The following SUFU variants were observed in gnomAD, a reference collection of about 807,000 sequenced individuals.
SUFU encodes the protein SUFU negative regulator of hedgehog signaling, also known as suppressor of fused homolog.
A neutral mutation model predicts 58.9 loss-of-function variants in SUFU; 7 were observed. That is an observed-to-expected ratio of 0.12 (90% CI 0.07 to 0.22). The LOEUF is 0.22. Ranked by LOEUF, SUFU falls within the 10% of genes least tolerant of loss-of-function variation. SUFU has a pLI of 1.00. For missense variants in SUFU, 451 were observed against 641.3 expected (o/e 0.70, Z 3.20); for synonymous variants, 232 against 254.8 (o/e 0.91, Z 0.85).
chr10:102,607,803 C>T (rs1326275006), intron 8 of SUFU, among the ~76,000 whole-genome samples: 3 of 151,768 alleles, frequency 2.0e-5, no homozygotes, highest in South Asian at 2.1e-4. Context: ...CCCAGCTACT[C>T]GGGAGGCCGA....
At chr10:102,549,409 A>C (rs1197042130) in intron 2 of SUFU, among the ~76,000 whole-genome samples, 2 of 152,182 alleles carry the variant, frequency 1.3e-5, no homozygotes, top group Non-Finnish European at 2.9e-5. Flanking sequence ...TCACTATGAC[A>C]AGAACACTGT....
chr10:102,603,455 C>T (rs1014497360), intron 8 of SUFU, among the ~76,000 whole-genome samples: 1 of 152,180 alleles, frequency 6.6e-6, no homozygotes, highest in Non-Finnish European at 1.5e-5. Context: ...GTTGTGTGCC[C>T]TCCCAGAGAG....
Position 102,615,351 on chromosome 10 carries a change from T to C in SUFU, c.1106T>C (p.Val369Ala), listed in dbSNP as rs1554854584. Residue 369 changes from valine (V) to alanine (A), a missense_variant, in exon 9 of 12, where the codon GTA becomes GCA. Val to Ala is a moderately conservative substitution (Grantham distance 64). Coordinates refer to ENST00000369902, the MANE Select transcript of SUFU (RefSeq NM_016169.4). Reference sequence around the variant, plus strand: ...ATTCGCACGCGGCAGCTTGAGAGCGTACATCTGAAATTCAACCAGGAGTCC... The same window carrying C: ...ATTCGCACGCGGCAGCTTGAGAGCGCACATCTGAAATTCAACCAGGAGTCC... ...ELIRTRQLES[V>A]HLKFNQESGA... 1 of 1,613,976 alleles carries C rather than the reference T, an allele frequency of 6.2e-7. No individual in the cohort carries two copies. Among genetic ancestry groups the C allele is most frequent in the Non-Finnish European group, 8.5e-7 (1 of 1,179,970 alleles).
chr10:102,547,021 C>T (rs1366751569), intron 2 of SUFU, among the ~76,000 whole-genome samples: 2 of 152,240 alleles, frequency 1.3e-5, no homozygotes, highest in African/African-American at 2.4e-5. Context: ...ATTTCTTTCT[C>T]TGCATTTGAG....
chr10:102,579,735 A>G lies in SUFU; in HGVS notation c.455-12847A>G, dbSNP rs906866119. Reference sequence around the variant, plus strand: ...GACTGCGTATTCATTTCCCGTCTCCATGTCTTGCAACCACATTTAGCCAAA... The same window carrying G: ...GACTGCGTATTCATTTCCCGTCTCCGTGTCTTGCAACCACATTTAGCCAAA... On this transcript the variant is annotated intron_variant, in intron 3 of 11. Transcript: ENST00000369902. 6 of 714,188 alleles carry G rather than the reference A, an allele frequency of 8.4e-6. No individual in the cohort carries two copies. The African/African-American group carries it at 9.6e-5, about 11-fold the overall frequency. The allele number at this position is 714,188 out of a possible 1,614,324, so 44.2% of individuals were successfully genotyped here. A position where few individuals can be genotyped will look rare whatever the true frequency, so the allele number is the denominator to read the frequency against.
At chr10:102,519,806 C>G (rs1475550958) in intron 2 of SUFU, among the ~76,000 whole-genome samples, 2 of 152,080 alleles carry the variant, frequency 1.3e-5, no homozygotes, top group Non-Finnish European at 2.9e-5. Flanking sequence ...GAGTCTCGCT[C>G]TGTCGCTCAG....
intron 2 of SUFU, among the ~76,000 whole-genome samples, chr10:102,529,536 G>A (rs1162304343): frequency 6.6e-6 from 1 of 152,182 alleles, no homozygotes; most frequent in Non-Finnish European, 1.5e-5. Flanking sequence ...CACTTTGGGA[G>A]GCCTAGGCGG....
chr10:102,599,532 A>G lies in SUFU; in HGVS notation c.1010A>G (p.His337Arg), dbSNP rs377274250. 3.8e-5 allele frequency: 62 copies of G among 1,614,004 alleles called. No homozygotes were observed. Among genetic ancestry groups the G allele is most frequent in the Non-Finnish European group, 4.8e-5 (57 of 1,179,976 alleles). ...INPQRQNGLA[H>R]DRAPSRKDSL... is the part of the protein sequence containing the mutation. ...CCTCAGCGGCAGAATGGCCTCGCCC[A>G]CGACCGGGCCCCGTAAGTTCCCCAG... The change falls in exon 8 of 12, where the codon CAC becomes CGC. Residue 337 changes from histidine to arginine, a missense_variant. Coordinates refer to ENST00000369902, the MANE Select transcript of SUFU (RefSeq NM_016169.4).
chr10:102,508,162 T>C (rs1449957337), intron 1 of SUFU, among the ~76,000 whole-genome samples: 3 of 151,940 alleles, frequency 2.0e-5, no homozygotes, highest in Non-Finnish European at 4.4e-5. Flanking sequence ...TTAGTAGAGA[T>C]GGGGTTTCAC....
chr10:102,537,379 C>T (rs2062753248), intron 2 of SUFU, among the ~76,000 whole-genome samples: 1 of 152,040 alleles, frequency 6.6e-6, no homozygotes. Context: ...AGTCCTCCCA[C>T]CTTGGACTCC....
intron 2 of SUFU, among the ~76,000 whole-genome samples, chr10:102,548,325 C>A (rs2062875395): frequency 6.6e-6 from 1 of 152,178 alleles, no homozygotes; most frequent in African/African-American, 2.4e-5. Context: ...CACCCAGGCA[C>A]AGAAAACTAG....
At chr10:102,557,973 T>C (rs971805024) in intron 3 of SUFU, among the ~76,000 whole-genome samples, 2 of 151,952 alleles carry the variant, frequency 1.3e-5, no homozygotes, top group Non-Finnish European at 2.9e-5. Flanking sequence ...CAATTCCAGC[T>C]CACTGCACCT....
chr10:102,554,432 C>T (rs1407538778), intron 3 of SUFU, among the ~76,000 whole-genome samples: 1 of 152,130 alleles, frequency 6.6e-6, no homozygotes, highest in Admixed American at 6.6e-5. Flanking sequence ...AAAAAGTACA[C>T]ATAACTGTAC....
Position 102,504,179 on chromosome 10 carries a change from C to T in SUFU, c.27C>T (p.Ala9=), listed in dbSNP as rs1244167364. The stretch of plus-strand genomic sequence containing the variant: ...TGGCGGAGCTGCGGCCTAGCGGCGC[C>T]CCCGGCCCCACCGCGCCCCCGGCCC... MAELRPSG[A]PGPTAPPAPG... Residue 9 remains alanine, a synonymous_variant, in exon 1 of 12, where the codon GCC becomes GCT. Coordinates refer to ENST00000369902, the MANE Select transcript of SUFU (RefSeq NM_016169.4). 1.3e-6 allele frequency: 2 copies of T among 1,546,880 alleles called. No individual in the cohort carries two copies. The highest frequency in any genetic ancestry group is 1.2e-5 in the South Asian group (1 of 84,182).
chr10:102,568,870 G>T (rs2063121012), intron 3 of SUFU, among the ~76,000 whole-genome samples: 1 of 32,024 alleles, frequency 3.1e-5, no homozygotes, highest in Non-Finnish European at 5.6e-5. Context: ...GCAAAACTCT[G>T]TCTCAAAAAA....
chr10:102,555,514 A>G (rs1356652864), intron 3 of SUFU, among the ~76,000 whole-genome samples: 1 of 152,210 alleles, frequency 6.6e-6, no homozygotes, highest in Non-Finnish European at 1.5e-5. Context: ...ATCATATTAT[A>G]TAGCTGAAAA....
At chr10:102,569,287 A>G (rs904996716) in intron 3 of SUFU, among the ~76,000 whole-genome samples, 8 of 152,102 alleles carry the variant, frequency 5.3e-5, no homozygotes, top group Non-Finnish European at 7.4e-5. Context: ...TCTCACCTGT[A>G]GTCATGGCCA....
At chr10:102,575,899 G>A (rs140052628) in intron 3 of SUFU, among the ~76,000 whole-genome samples, 1,649 of 152,068 alleles carry the variant, frequency 0.011, 39 homozygotes, top group African/African-American at 0.038. Flanking sequence ...GTGCAGAGGC[G>A]TGATCTTGGC....
At chr10:102,543,610 G>T (rs542767566) in intron 2 of SUFU, among the ~76,000 whole-genome samples, 43 of 152,136 alleles carry the variant, frequency 2.8e-4, no homozygotes, top group African/African-American at 9.6e-4. Flanking sequence ...CCCAGTCCTA[G>T]GCAACCATTA....
Sources: gnomAD v4.1 joint callset for allele counts (sites outside exome capture counted in the v4.1 genomes callset) on GRCh38, gnomAD v4.1.1 for gene constraint, MANE v1.5 for transcripts, NCBI Gene and HGNC (gene_info 2026-07-23, HGNC 2026-07-21) for gene names.